The following ZNF808 variants were observed in gnomAD, a reference collection of about 807,000 sequenced individuals.
ZNF808 encodes zinc finger protein 808.
A neutral mutation model predicts 8.7 loss-of-function variants in ZNF808; 5 were observed. That is an observed-to-expected ratio of 0.58 (90% CI 0.30 to 1.21). The LOEUF is 1.21. Among genes scored for constraint, ZNF808 ranks in the 50% most tolerant of loss-of-function variants. ZNF808 has a pLI of 0.07. For synonymous variants in ZNF808, 380 were observed against 366.0 expected (o/e 1.04, Z -0.44); for missense variants, 1,103 against 1,098.4 (o/e 1.00, Z -0.06).
At position 52,555,873 on chromosome 19, in the gene ZNF808, C is replaced by T. The variant is rs112635698; in HGVS notation, c.*245C>T. 1.6e-3 allele frequency: 1,177 copies of T among 726,034 alleles called. 6 individuals carry two copies. In the African/African-American group the frequency reaches 0.017, roughly 11 times the overall value. 45.0% of individuals were successfully genotyped at this position (726,034 alleles called of 1,614,324 possible). A position where few individuals can be genotyped will look rare whatever the true frequency, so the allele number is the denominator to read the frequency against. ...GAGAATTCATACAGGAGAGAAACCT[C>T]ACAAGTGTGATGATTGTGGCAAAGC... On this transcript the variant is annotated 3_prime_UTR_variant, in exon 5 of 5. Coordinates refer to ENST00000359798, the MANE Select transcript of ZNF808 (RefSeq NM_001039886.4).
At position 52,529,463 on chromosome 19, in the gene ZNF808, C is replaced by T. The variant is rs539707800; in HGVS notation, c.-122+1752C>T. 1.8e-4 allele frequency among the ~76,000 whole-genome samples: 27 copies of T among 152,222 alleles called. No individual in the cohort carries two copies. The South Asian group carries it at 5.4e-3, about 30-fold the overall frequency. ...ATGATTAGTTGTGACATGTTGACTT[C>T]CCTGTATATAATCTAATAACTAAAA... On this transcript the variant is annotated intron_variant, in intron 1 of 4. Transcript: ENST00000359798.
At chr19:52,558,685 AT>A (rs1296112998), downstream of ZNF808, among the ~76,000 whole-genome samples, 1 of 152,158 alleles carries the variant, frequency 6.6e-6, no homozygotes, top group Admixed American at 6.5e-5. Context: ...TGAACTTTTA[AT>A]GACTTGGAAT....
Position 52,554,582 on chromosome 19 carries a change from G to C in ZNF808, c.1666G>C (p.Val556Leu). ...TTTCATGCGTAATTCAGTCCTGGCT[G>C]TACATACTAGAATTCACACTGCAAA... ...KVFMRNSVLAVHTRIHTAKKP... is the reference protein window; with the variant it reads ...KVFMRNSVLALHTRIHTAKKP... The change falls in exon 5 of 5, where the codon GTA becomes CTA. Residue 556 changes from valine to leucine, a missense_variant. Val to Leu is a conservative substitution (Grantham distance 32). Transcript: ENST00000359798. 1 of 1,613,388 alleles carries C rather than the reference G, an allele frequency of 6.2e-7. No individual in the cohort carries two copies. Among genetic ancestry groups the C allele is most frequent in the Non-Finnish European group, 8.5e-7 (1 of 1,179,676 alleles).
intron 4 of ZNF808, among the ~76,000 whole-genome samples, chr19:52,552,697 T>A (rs1300908531): frequency 7.7e-6 from 1 of 130,222 alleles, no homozygotes; most frequent in African/African-American, 3.1e-5. Flanking sequence ...TATAGTATGT[T>A]GTGTGGTTTT....
intron 3 of ZNF808, among the ~76,000 whole-genome samples, chr19:52,562,186 T>C (rs951050836): frequency 2.6e-5 from 4 of 152,032 alleles, no homozygotes; most frequent in African/African-American, 9.7e-5. Flanking sequence ...GAGAGCAGCC[T>C]GGCCAACATG....
chr19:52,563,795 A>G (rs557621875), exon 4 of ZNF808: 45 of 175,622 alleles, frequency 2.6e-4, no homozygotes, highest in Non-Finnish European at 4.6e-4. Context: ...CAGGAATTCA[A>G]TAATAGCCTG....
chr19:52,561,038 A>G (rs1452303704), downstream of ZNF808, among the ~76,000 whole-genome samples: 3 of 152,008 alleles, frequency 2.0e-5, no homozygotes, highest in Non-Finnish European at 4.4e-5. Context: ...CAGTGTGTGC[A>G]GGGCATCATG....
downstream of ZNF808, among the ~76,000 whole-genome samples, chr19:52,568,284 G>T (rs1301708799): frequency 2.6e-5 from 4 of 152,200 alleles, no homozygotes; most frequent in African/African-American, 9.7e-5. Context: ...TGAGGCAGGA[G>T]AACTGCTTGA....
downstream of ZNF808, among the ~76,000 whole-genome samples, chr19:52,566,955 G>GTTT (rs1367330212): frequency 5.1e-5 from 4 of 79,076 alleles, no homozygotes; most frequent in East Asian, 2.3e-4. Flanking sequence ...CCAAGGATAG[G>GTTT]TGTTTTTTTT....
intron 1 of ZNF808, among the ~76,000 whole-genome samples, chr19:52,530,385 A>G (rs964411259): frequency 6.6e-6 from 1 of 151,958 alleles, no homozygotes; most frequent in Non-Finnish European, 1.5e-5. Flanking sequence ...AAGGGACATC[A>G]AGGCATGGTG....
Position 52,533,343 on chromosome 19 carries a change from C to T in ZNF808, c.-20+334C>T, listed in dbSNP as rs184783212. Among the ~76,000 whole-genome samples, 7 of 152,180 alleles carry T rather than the reference C, an allele frequency of 4.6e-5. No homozygotes were observed. In the East Asian group the frequency reaches 9.8e-4, roughly 21 times the overall value. Reference sequence around the variant, plus strand: ...CCAGGTACATGAGATTCTACTGCTTCAACTTCCAGAGTAGCTGGGACTACA... The same window carrying T: ...CCAGGTACATGAGATTCTACTGCTTTAACTTCCAGAGTAGCTGGGACTACA... On this transcript the variant is annotated intron_variant, in intron 2 of 4. Transcript: ENST00000359798.
intron 2 of ZNF808, among the ~76,000 whole-genome samples, chr19:52,535,766 C>T (rs1241512004): frequency 6.6e-6 from 1 of 152,244 alleles, no homozygotes; most frequent in Non-Finnish European, 1.5e-5. Context: ...CCGTTCCAGA[C>T]AATTCCAGGG....
intron 2 of ZNF808, among the ~76,000 whole-genome samples, chr19:52,541,868 C>T (rs2059673998): frequency 1.3e-5 from 2 of 152,128 alleles, no homozygotes; most frequent in African/African-American, 4.8e-5. Context: ...AACAGGCATC[C>T]CCACCTTCAG....
chr19:52,544,033 C>T (rs547732810), intron 3 of ZNF808, among the ~76,000 whole-genome samples: 1 of 152,002 alleles, frequency 6.6e-6, no homozygotes, highest in Non-Finnish European at 1.5e-5. Context: ...GTGGTGCATG[C>T]CTGTAATCTC....
intron 2 of ZNF808, among the ~76,000 whole-genome samples, chr19:52,537,047 G>A (rs1438958097): frequency 6.6e-6 from 1 of 152,078 alleles, no homozygotes; most frequent in Non-Finnish European, 1.5e-5. Context: ...CTAGCTGGGC[G>A]CGGTTGCATA....
intron 2 of ZNF808, among the ~76,000 whole-genome samples, chr19:52,539,013 G>C (rs146974320): frequency 0.1 from 11,053 of 109,694 alleles, no homozygotes; most frequent in Non-Finnish European, 0.17. Flanking sequence ...TGACTCATTC[G>C]TTGTGGATCA....
At chr19:52,563,065 C>T (rs2059862970) in intron 3 of ZNF808, among the ~76,000 whole-genome samples, 1 of 152,150 alleles carries the variant, frequency 6.6e-6, no homozygotes, top group African/African-American at 2.4e-5. Context: ...TGAACCACCG[C>T]ATCCTGTCGT....
intron 3 of ZNF808, among the ~76,000 whole-genome samples, chr19:52,562,384 TAAAG>T (rs201917985): frequency 0.013 from 1,953 of 151,528 alleles, 41 homozygotes; most frequent in African/African-American, 0.045. Flanking sequence ...ATCTCAAAAA[TAAAG>T]AAAGAAAGAA....
chr19:52,558,176 C>A (rs1056738576), downstream of ZNF808, among the ~76,000 whole-genome samples: 3 of 149,764 alleles, frequency 2.0e-5, no homozygotes, highest in Admixed American at 6.7e-5. Context: ...AGCTCCGCCT[C>A]CTGGGTTCAC....
Sources: allele counts gnomAD v4.1 joint callset (sites outside exome capture counted in the v4.1 genomes callset), GRCh38; gene constraint gnomAD v4.1.1; transcripts MANE v1.5; gene names NCBI Gene and HGNC (gene_info 2026-07-23, HGNC 2026-07-21).